The following KCNJ6 variants were observed in gnomAD, a reference collection of about 807,000 sequenced individuals.
The protein encoded by KCNJ6 is G protein-activated inward rectifier potassium channel 2.
In KCNJ6, 9 loss-of-function variants were observed where a neutral mutation model predicts 34.2. That is an observed-to-expected ratio of 0.26 (90% CI 0.16 to 0.46). The LOEUF (loss-of-function observed/expected upper bound fraction) is 0.46. KCNJ6 is among the 20% of genes least tolerant of loss of function. The pLI, the probability that KCNJ6 is intolerant of heterozygous loss-of-function variation, is 1.00. For missense variants in KCNJ6, 236 were observed against 531.3 expected (o/e 0.44, Z 5.46); for synonymous variants, 196 against 207.1 (o/e 0.95, Z 0.46).
intron 2 of KCNJ6, among the ~76,000 whole-genome samples, chr21:37,813,532 C>T (rs1338031407): frequency 6.6e-6 from 1 of 152,142 alleles, no homozygotes. Flanking sequence ...ACAAAAACAA[C>T]AGGGTACTGG....
At position 37,610,017 on chromosome 21, in the gene KCNJ6, C is replaced by T. The variant is rs1278540805; in HGVS notation, c.*15142G>A. On this transcript the variant is annotated 3_prime_UTR_variant, in exon 4 of 4. Coordinates refer to ENST00000609713, the MANE Select transcript of KCNJ6 (RefSeq NM_002240.5). ...CTACCGGGTTTAGTGGTGGTAATGA[C>T]AGGGGAGCAGGACGTGGTCGGTGGG... 6.6e-6 allele frequency: 1 copy of T among 152,228 alleles called. No homozygotes were observed. The highest frequency in any genetic ancestry group is 1.9e-4 in the East Asian group (1 of 5,194). 9.4% of individuals were successfully genotyped at this position (152,228 alleles called of 1,614,324 possible). A position where few individuals can be genotyped will look rare whatever the true frequency, so the allele number is the denominator to read the frequency against.
intron 1 of KCNJ6, among the ~76,000 whole-genome samples, chr21:37,883,763 G>T (rs1341734354): frequency 6.6e-6 from 1 of 152,198 alleles, no homozygotes; most frequent in African/African-American, 2.4e-5. Context: ...AAATTGTTCA[G>T]ATTCCTTTCA....
chr21:37,753,294 G>T (rs954870602), intron 2 of KCNJ6, among the ~76,000 whole-genome samples: 1 of 152,154 alleles, frequency 6.6e-6, no homozygotes, highest in Non-Finnish European at 1.5e-5. Flanking sequence ...TCCTGACTTG[G>T]GGGCCAGCTG....
intron 3 of KCNJ6, among the ~76,000 whole-genome samples, chr21:37,703,505 A>C (rs1342738165): frequency 6.6e-6 from 1 of 152,204 alleles, no homozygotes; most frequent in African/African-American, 2.4e-5. Context: ...GAAAGTAGAA[A>C]TCAAGAGTTT....
chr21:37,910,896 T>C (rs1021104586), intron 1 of KCNJ6, among the ~76,000 whole-genome samples: 2 of 152,184 alleles, frequency 1.3e-5, no homozygotes, highest in Non-Finnish European at 2.9e-5. Context: ...CATTTGAACA[T>C]TGCACACTGC....
intron 3 of KCNJ6, among the ~76,000 whole-genome samples, chr21:37,649,770 AAT>A (rs1399959104): frequency 6.6e-6 from 1 of 152,104 alleles, no homozygotes; most frequent in African/African-American, 2.4e-5. Context: ...TATGTCTCTA[AAT>A]AGGTCTGTCT....
intron 1 of KCNJ6, among the ~76,000 whole-genome samples, chr21:37,857,785 C>G (rs1255037647): frequency 6.6e-6 from 1 of 152,050 alleles, no homozygotes; most frequent in East Asian, 1.9e-4. Flanking sequence ...AAGCTGGAAG[C>G]TGAACAATGA....
chr21:37,622,433 G>T lies in KCNJ6; in HGVS notation c.*2726C>A, dbSNP rs1437335112. 6.6e-6 allele frequency: 1 copy of T among 152,170 alleles called. No homozygotes were observed. The highest frequency in any genetic ancestry group is 2.4e-5 in the African/African-American group (1 of 41,438). The allele number at this position is 152,170 out of a possible 1,614,324, so 9.4% of individuals were successfully genotyped here. ...GAAAATCAGTCTCAATGAACTTTCA[G>T]TTCCAAATTTTAACAGTTGACACAA... On this transcript the variant is annotated 3_prime_UTR_variant, in exon 4 of 4. Transcript: ENST00000609713.
rs1306616709 is a variant in KCNJ6, at chr21:37,619,066, G to T, written c.*6093C>A. On this transcript the variant is annotated 3_prime_UTR_variant, in exon 4 of 4. Transcript: ENST00000609713. ...CATTACCTACTTAGTTTCAGACGCA[G>T]GATCAAATCCATCCTTTATCTGTCG... The T allele has an allele frequency of 1.3e-5, 2 of 152,174 alleles. No homozygotes were observed. Among genetic ancestry groups the T allele is most frequent in the Non-Finnish European group, 2.9e-5 (2 of 68,028 alleles). The allele number at this position is 152,174 out of a possible 1,614,324, so 9.4% of individuals were successfully genotyped here. A position where few individuals can be genotyped will look rare whatever the true frequency, so the allele number is the denominator to read the frequency against.
At chr21:37,832,839 G>A (rs905180532) in intron 2 of KCNJ6, among the ~76,000 whole-genome samples, 7 of 152,034 alleles carry the variant, frequency 4.6e-5, no homozygotes, top group Non-Finnish European at 8.8e-5. Context: ...CTATAGAGGC[G>A]TCTCTGGCAG....
At position 37,890,823 on chromosome 21, in the gene KCNJ6, G is replaced by A. The variant is rs575729508; in HGVS notation, c.-28+25061C>T. Among the ~76,000 whole-genome samples, 9 of 152,224 alleles carry A rather than the reference G, an allele frequency of 5.9e-5. 1 individual carries two copies. In the East Asian group the frequency reaches 1.2e-3, roughly 20 times the overall value. The stretch of plus-strand genomic sequence containing the variant: ...GCCTCTGACTCTGCCCGCCTCCCCC[G>A]CATCCAAGCAAGCAGCCAACAAACA... On this transcript the variant is annotated intron_variant, in intron 1 of 3. Transcript: ENST00000609713.
chr21:37,643,924 T>G (rs547358641), intron 3 of KCNJ6, among the ~76,000 whole-genome samples: 3 of 152,316 alleles, frequency 2.0e-5, no homozygotes, highest in African/African-American at 4.8e-5. Context: ...CACATGCATG[T>G]GTAGGTTCAT....
intron 2 of KCNJ6, among the ~76,000 whole-genome samples, chr21:37,738,210 A>T (rs2123473901): frequency 6.6e-6 from 1 of 152,296 alleles, no homozygotes; most frequent in African/African-American, 2.4e-5. Context: ...GGGATGACTT[A>T]TTAATAGCTC....
chr21:37,914,006 G>GGGGTGT (rs1326690015), intron 1 of KCNJ6, among the ~76,000 whole-genome samples: 1 of 79,632 alleles, frequency 1.3e-5, no homozygotes, highest in Non-Finnish European at 2.6e-5. Flanking sequence ...GAGGCGGATC[G>GGGGTGT]GGGTGTGTGT....
chr21:37,613,020 A>G lies in KCNJ6; in HGVS notation c.*12139T>C, dbSNP rs1197666432. On this transcript the variant is annotated 3_prime_UTR_variant, in exon 4 of 4. Coordinates refer to ENST00000609713, the MANE Select transcript of KCNJ6 (RefSeq NM_002240.5). ...GAGAAGACAAGCCACGGACTGGGAG[A>G]AAATATTTACAGAAGACACATCTGA... 6.6e-6 allele frequency: 1 copy of G among 152,186 alleles called. No individual in the cohort carries two copies. Among genetic ancestry groups the G allele is most frequent in the Non-Finnish European group, 1.5e-5 (1 of 68,028 alleles). The allele number at this position is 152,186 out of a possible 1,614,324, so 9.4% of individuals were successfully genotyped here.
At chr21:37,755,364 T>C (rs964776876) in intron 2 of KCNJ6, among the ~76,000 whole-genome samples, 2 of 152,210 alleles carry the variant, frequency 1.3e-5, no homozygotes, top group African/African-American at 2.4e-5. Context: ...GAAAAAGCTA[T>C]GCCCCTGGGA....
chr21:37,841,442 T>C (rs1217326732), intron 1 of KCNJ6, among the ~76,000 whole-genome samples: 3 of 152,264 alleles, frequency 2.0e-5, no homozygotes, highest in Non-Finnish European at 1.5e-5. Flanking sequence ...AACTGCAACA[T>C]TGCCCACTAT....
intron 2 of KCNJ6, among the ~76,000 whole-genome samples, chr21:37,825,885 C>T (rs796941440): frequency 3.9e-5 from 6 of 152,304 alleles, no homozygotes; most frequent in African/African-American, 9.6e-5. Flanking sequence ...TTCACTACCA[C>T]GAGCACAGTA....
At chr21:37,633,552 G>A (rs2054343186) in intron 3 of KCNJ6, among the ~76,000 whole-genome samples, 1 of 152,092 alleles carries the variant, frequency 6.6e-6, no homozygotes, top group African/African-American at 2.4e-5. Flanking sequence ...ATATAACTGT[G>A]TACATAGAAA....
Sources: gnomAD v4.1 joint callset for allele counts (sites outside exome capture counted in the v4.1 genomes callset) on GRCh38, gnomAD v4.1.1 for gene constraint, MANE v1.5 for transcripts, NCBI Gene and HGNC (gene_info 2026-07-23, HGNC 2026-07-21) for gene names.